SLC29A3: variants seen among roughly 807,000 people sequenced by gnomAD.
SLC29A3 encodes equilibrative nucleoside transporter 3.
Under a neutral mutation model 25.4 loss-of-function variants are expected in SLC29A3, and 18 were observed. That is an observed-to-expected ratio of 0.71 (90% CI 0.49 to 1.05). The LOEUF is 1.05. Ranked by LOEUF, SLC29A3 falls within the 50% of genes least tolerant of loss-of-function variation. The probability of loss-of-function intolerance (pLI) is 0.00; values close to 1 mark genes in which losing one functional copy is unlikely to be tolerated. For synonymous variants in SLC29A3, 258 were observed against 267.1 expected (o/e 0.97, Z 0.33); for missense variants, 586 against 609.0 (o/e 0.96, Z 0.40).
chr10:71,344,758 A>G (rs756743183), intron 3 of SLC29A3, among the ~76,000 whole-genome samples: 3 of 152,174 alleles, frequency 2.0e-5, no homozygotes, highest in Non-Finnish European at 4.4e-5. Flanking sequence ...CCTGGGAAGG[A>G]GTTATTCAGG....
At chr10:71,320,688 C>A (rs964929022) in intron 1 of SLC29A3, among the ~76,000 whole-genome samples, 1 of 152,302 alleles carries the variant, frequency 6.6e-6, no homozygotes, top group African/African-American at 2.4e-5. Flanking sequence ...GGATGCATTG[C>A]ACTTGGGCAT....
intron 2 of SLC29A3, among the ~76,000 whole-genome samples, chr10:71,339,104 G>A (rs1846328416): frequency 6.6e-6 from 1 of 152,364 alleles, no homozygotes; most frequent in East Asian, 1.9e-4. Flanking sequence ...GGACCTCTGT[G>A]TACCTCTGGG....
downstream of SLC29A3, chr10:71,365,185 C>G (rs1274226817): frequency 6.6e-6 from 1 of 152,106 alleles, no homozygotes; most frequent in East Asian, 1.9e-4. Context: ...GAGCTGAGAC[C>G]ATGCCATTGG....
Position 71,362,639 on chromosome 10 carries a change from GAGCCTTTGA to G in SLC29A3, c.*34_*42del, listed in dbSNP as rs1248967498. 1 of 1,613,788 alleles carries G rather than the reference GAGCCTTTGA, an allele frequency of 6.2e-7. No homozygotes were observed. ...AGGACACAAGGACATTGGTGCTTCAGAGCCTTTGAAGATGAGAAGAGAGTGCAGGAGGGC... is the reference window on the plus strand; with the variant it reads ...AGGACACAAGGACATTGGTGCTTCAGAGATGAGAAGAGAGTGCAGGAGGGC... On this transcript the variant is annotated 3_prime_UTR_variant, in exon 6 of 6. Coordinates refer to ENST00000373189, the MANE Select transcript of SLC29A3 (RefSeq NM_018344.6).
intron 3 of SLC29A3, among the ~76,000 whole-genome samples, chr10:71,370,913 T>G (rs1847207098): frequency 6.6e-6 from 1 of 152,112 alleles, no homozygotes; most frequent in South Asian, 2.1e-4. Context: ...TGTCTTTTCT[T>G]TATACTAGAA....
Position 71,322,846 on chromosome 10 carries a change from T to G in SLC29A3, c.92T>G (p.Leu31Arg), listed in dbSNP as rs768350383. The G allele has an allele frequency of 6.2e-7, 1 of 1,614,212 alleles. No individual in the cohort carries two copies. The highest frequency in any genetic ancestry group is 1.3e-5 in the African/African-American group (1 of 75,054). The part of the protein sequence containing the change: ...SSSLRADQEA[L>R]LEKLLDRPPP... The stretch of plus-strand genomic sequence containing the variant: ...AGTCTCCGAGCTGACCAGGAGGCAC[T>G]GCTTGAGAAGCTGCTGGACCGCCCG... Residue 31 changes from leucine to arginine, a missense_variant, in exon 2 of 6, where the codon CTG (leucine) becomes CGG (arginine). By Grantham distance (102) the Leu-to-Arg change is moderately radical. Coordinates refer to ENST00000373189, the MANE Select transcript of SLC29A3 (RefSeq NM_018344.6).
At chr10:71,347,973 G>A (rs1846637705) in intron 3 of SLC29A3, among the ~76,000 whole-genome samples, 1 of 152,226 alleles carries the variant, frequency 6.6e-6, no homozygotes, top group Non-Finnish European at 1.5e-5. Flanking sequence ...TCCTGGCCGT[G>A]TCTGTGAGGA....
intron 2 of SLC29A3, among the ~76,000 whole-genome samples, chr10:71,342,108 G>C (rs755139654): frequency 7.2e-5 from 11 of 152,200 alleles, no homozygotes; most frequent in Non-Finnish European, 1.5e-4. Context: ...CATCGCACAG[G>C]TGTGAGCATC....
chr10:71,325,943 G>T (rs1339271905), intron 2 of SLC29A3, among the ~76,000 whole-genome samples: 3 of 149,154 alleles, frequency 2.0e-5, no homozygotes, highest in African/African-American at 7.4e-5. Flanking sequence ...TTGAGACAGG[G>T]TCTTGCACTG....
In SLC29A3 at chr10:71,372,649, AG is replaced by A. The variant is rs1847220074; in HGVS notation, c.*95-3043del. Among the ~76,000 whole-genome samples the A allele has an allele frequency of 3.9e-5, 6 of 152,200 alleles. No homozygotes were observed. In the South Asian group the frequency reaches 1.2e-3, roughly 32 times the overall value. The stretch of plus-strand genomic sequence containing the variant: ...ACACCTGGCCCGGGGAGAGAAAGTG[AG>A]GGCTTCATCTGCTGCTGTTCCAGTT... On this transcript the variant is annotated intron_variant and NMD_transcript_variant, in intron 3 of 4. Transcript: ENST00000642772.
downstream of SLC29A3, chr10:71,364,382 G>A (rs1352685757): frequency 6.6e-6 from 1 of 152,188 alleles, no homozygotes; most frequent in Non-Finnish European, 1.5e-5. Context: ...GCTCTATCTG[G>A]GGGGGCTGTG....
intron 3 of SLC29A3, among the ~76,000 whole-genome samples, chr10:71,345,752 A>G (rs1167173420): frequency 1.3e-5 from 2 of 152,216 alleles, no homozygotes; most frequent in African/African-American, 2.4e-5. Flanking sequence ...GGAGGAGAGT[A>G]GAGGAGGGCA....
intron 2 of SLC29A3, among the ~76,000 whole-genome samples, chr10:71,325,367 C>T (rs140765222): frequency 3.3e-5 from 5 of 152,350 alleles, no homozygotes; most frequent in East Asian, 1.9e-4. Flanking sequence ...TGGGTTTCCA[C>T]GCACATGTGT....
rs547323056 is a variant in SLC29A3, at chr10:71,332,171, C to G, written c.300+9117C>G. ...TTTTTTCTTTTTTTTTTTTTTGAGACACATTCTTATTGTATCGCCGAGGTT... is the reference window on the plus strand; with the variant it reads ...TTTTTTCTTTTTTTTTTTTTTGAGAGACATTCTTATTGTATCGCCGAGGTT... On this transcript the variant is annotated intron_variant, in intron 2 of 5. Transcript: ENST00000373189. Among the ~76,000 whole-genome samples, 486 of 121,918 alleles carry G rather than the reference C, an allele frequency of 4.0e-3. 4 individuals are homozygous for G. Among genetic ancestry groups the G allele is most frequent in the Non-Finnish European group, 6.6e-3 (398 of 60,016 alleles). 80.0% of individuals were successfully genotyped at this position (121,918 alleles called of 152,430 possible).
At chr10:71,349,400 G>A (rs892697878) in intron 3 of SLC29A3, among the ~76,000 whole-genome samples, 1 of 152,144 alleles carries the variant, frequency 6.6e-6, no homozygotes, top group African/African-American at 2.4e-5. Context: ...AGCAGCCCCA[G>A]ACACAGTCTC....
chr10:71,332,974 T>C (rs183007280), intron 2 of SLC29A3, among the ~76,000 whole-genome samples: 2 of 152,380 alleles, frequency 1.3e-5, no homozygotes, highest in East Asian at 3.9e-4. Context: ...CCCTCCAGGC[T>C]ATTGACTGCT....
chr10:71,362,156 A>G lies in SLC29A3; in HGVS notation c.976A>G (p.Ile326Val), dbSNP rs2487068. The change falls in exon 6 of 6, where the codon ATC becomes GTC. Residue 326 changes from isoleucine to valine, a missense_variant. Transcript: ENST00000373189. The part of the protein sequence containing the change: ...FFITSLIYPA[I>V]CTNIESLNKG... ...CATCACCAGCCTCATCTACCCCGCC[A>G]TCTGCACCAACATCGAGTCCCTCAA... 1,388,849 of 1,613,932 alleles carry G rather than the reference A, an allele frequency of 0.86. 600,978 individuals carry two copies. Among genetic ancestry groups the G allele is most frequent in the African/African-American group, 0.93 (69,438 of 74,972 alleles).
chr10:71,354,813 T>C (rs1355924565), intron 4 of SLC29A3, among the ~76,000 whole-genome samples: 1 of 152,228 alleles, frequency 6.6e-6, no homozygotes, highest in Non-Finnish European at 1.5e-5. Context: ...TTTCCACTCA[T>C]CGTCCTGTTT....
intron 2 of SLC29A3, among the ~76,000 whole-genome samples, chr10:71,329,266 C>T (rs1349749770): frequency 1.3e-5 from 2 of 152,102 alleles, no homozygotes; most frequent in African/African-American, 4.8e-5. Context: ...TACCTTGGCA[C>T]GCTCAGCCCT....
Sources: gnomAD v4.1 joint callset for allele counts (sites outside exome capture counted in the v4.1 genomes callset) on GRCh38, gnomAD v4.1.1 for gene constraint, MANE v1.5 for transcripts, NCBI Gene and HGNC (gene_info 2026-07-23, HGNC 2026-07-21) for gene names.